The following BCL9L variants were observed in gnomAD, a reference collection of about 807,000 sequenced individuals.
The protein encoded by BCL9L is B-cell CLL/lymphoma 9-like protein.
A neutral mutation model predicts 99.4 loss-of-function variants in BCL9L; 19 were observed. The observed-to-expected ratio is 0.19, with a 90% CI of 0.13 to 0.28. BCL9L has a LOEUF of 0.28. Among genes scored for constraint, BCL9L ranks in the 10% least tolerant of loss-of-function variants. The pLI is 1.00. For synonymous variants in BCL9L, 900 were observed against 854.8 expected (o/e 1.05, Z -0.92); for missense variants, 2,023 against 2,101.6 (o/e 0.96, Z 0.73).
rs770612295 is a variant in BCL9L at position 118,902,561 on chromosome 11, C to T, written c.1182G>A (p.Val394=). 1 of 1,601,448 alleles carries T rather than the reference C, an allele frequency of 6.2e-7. No individual in the cohort carries two copies. The highest frequency in any genetic ancestry group is 1.1e-5 in the South Asian group (1 of 91,094). ...GCTCTTTGGACAAGCCCTCTGAGCCCACCAGGCTGCGCTGCCCATTTCCAG... is the reference window on the plus strand; with the variant it reads ...GCTCTTTGGACAAGCCCTCTGAGCCTACCAGGCTGCGCTGCCCATTTCCAG... ...AAPGNGQRSL[V]GSEGLSKEQL... is the part of the protein sequence containing the mutation. Residue 394 remains valine, a synonymous_variant, in exon 8 of 10, where the codon GTG becomes GTA. Transcript: ENST00000683865. The surrounding 1 kb of genome is among the most constrained non-coding windows in gnomAD (Gnocchi z 7.8).
In BCL9L at chr11:118,908,616, C is replaced by A; in HGVS notation, c.66G>T (p.Pro22=). ...GGCAATGACCGCGGGGGGACAGCGGCGGGCTCCCTGGAGCTTCTCTCCTCC... is the reference window on the plus strand; with the variant it reads ...GGCAATGACCGCGGGGGGACAGCGGAGGGCTCCCTGGAGCTTCTCTCCTCC... The part of the protein sequence containing the change: ...HPRRREAPGS[P]PLSPRGHCPP... Residue 22 remains proline (P), a synonymous_variant, in exon 4 of 10, where the codon CCG becomes CCT. Transcript: ENST00000683865. The A allele has an allele frequency of 6.2e-7, 1 of 1,612,636 alleles. No individual in the cohort carries two copies. The highest frequency in any genetic ancestry group is 8.5e-7 in the Non-Finnish European group (1 of 1,179,736).
At position 118,902,001 on chromosome 11, in the gene BCL9L, C is replaced by G; in HGVS notation, c.1742G>C (p.Arg581Pro). ...QWPPGMGAQL[R>P]GPMDVQDPMQ... ...GGGATCTTGAACATCCATGGGCCCC[C>G]GCAGCTGCGCACCCATTCCAGGTGG... Residue 581 changes from arginine (R) to proline (P), a missense_variant, in exon 8 of 10, where the codon CGG (arginine) becomes CCG (proline). Arg to Pro is a moderately radical substitution (Grantham distance 103, BLOSUM62 -2). Coordinates refer to ENST00000683865, the MANE Select transcript of BCL9L (RefSeq NM_001378213.1). This position sits in a 1 kb window ranked among gnomAD's most constrained non-coding sequence, Gnocchi z 7.8. 6.2e-7 allele frequency: 1 copy of G among 1,613,296 alleles called. No individual in the cohort carries two copies. Among genetic ancestry groups the G allele is most frequent in the Non-Finnish European group, 8.5e-7 (1 of 1,179,870 alleles).
intron 5 of BCL9L, among the ~76,000 whole-genome samples, chr11:118,905,283 C>T (rs896985583): frequency 2.6e-5 from 4 of 151,916 alleles, no homozygotes; most frequent in Non-Finnish European, 4.4e-5. Flanking sequence ...CCGAGGCGGG[C>T]GGATCACTTG....
At position 118,902,148 on chromosome 11, in the gene BCL9L, C is replaced by T. The variant is rs754251116; in HGVS notation, c.1595G>A (p.Arg532Gln). 5.6e-6 allele frequency: 9 copies of T among 1,614,114 alleles called. No individual in the cohort carries two copies. Among genetic ancestry groups the T allele is most frequent in the South Asian group, 5.5e-5 (5 of 91,080 alleles). The change falls in exon 8 of 10, where the codon CGG (arginine) becomes CAG (glutamine). Residue 532 changes from arginine (R) to glutamine (Q), a missense_variant. Transcript: ENST00000683865. The surrounding 1 kb of genome is among the most constrained non-coding windows in gnomAD (Gnocchi z 7.8). Reference sequence around the variant, plus strand: ...CAGCCCAATCTGTTCCTCTTTCCGCCGTTTCTCTTCGTAGTACTCCTCCTG... The same window carrying T: ...CAGCCCAATCTGTTCCTCTTTCCGCTGTTTCTCTTCGTAGTACTCCTCCTG... ...KLQEEYYEEK[R>Q]RKEEQIGLHG...
chr11:118,906,222 G>A (rs1359324172), intron 5 of BCL9L, among the ~76,000 whole-genome samples: 2 of 152,190 alleles, frequency 1.3e-5, no homozygotes, highest in East Asian at 1.9e-4. Context: ...AACTCACAAA[G>A]TTTCTACAAT....
Position 118,899,914 on chromosome 11 carries a change from C to A in BCL9L, c.3406+3G>T. The A allele has an allele frequency of 1.2e-6, 2 of 1,611,460 alleles. No homozygotes were observed. The highest frequency in any genetic ancestry group is 1.1e-5 in the South Asian group (1 of 90,924). ...TCCCTGGGGCCCTGGCCTGTCCTCG[C>A]ACCTGGCCCGGAGCCCTGCGGTGGT... On this transcript the variant is annotated splice_donor_region_variant and intron_variant, in intron 9 of 9. Coordinates refer to ENST00000683865, the MANE Select transcript of BCL9L (RefSeq NM_001378213.1).
At position 118,903,212 on chromosome 11, in the gene BCL9L, T is replaced by G; in HGVS notation, c.749+24A>C. On this transcript the variant is annotated intron_variant, in intron 6 of 9. Coordinates refer to ENST00000683865, the MANE Select transcript of BCL9L (RefSeq NM_001378213.1). The surrounding 1 kb of genome is among the most constrained non-coding windows in gnomAD (Gnocchi z 5.6). Reference sequence around the variant, plus strand: ...GTGCTGGGCAGAGAGAGAGAGAGACTTGGCCTGCCCACCAGGCACTTACGT... The same window carrying G: ...GTGCTGGGCAGAGAGAGAGAGAGACGTGGCCTGCCCACCAGGCACTTACGT... The G allele has an allele frequency of 6.4e-7, 1 of 1,571,092 alleles. No individual in the cohort carries two copies. Among genetic ancestry groups the G allele is most frequent in the South Asian group, 1.2e-5 (1 of 86,630 alleles).
At position 118,902,391 on chromosome 11, in the gene BCL9L, G is replaced by T. The variant is rs769563899; in HGVS notation, c.1352C>A (p.Pro451His). 1.6e-5 allele frequency: 25 copies of T among 1,546,794 alleles called. No individual in the cohort carries two copies. The highest frequency in any genetic ancestry group is 4.1e-5 in the African/African-American group (3 of 72,560). Residue 451 changes from proline to histidine, a missense_variant, in exon 8 of 10, where the codon CCC becomes CAC. Around this residue, in one of 3 missense-constraint regions of BCL9L, gnomAD observed 1,116 missense variants for 1,194.6 expected, o/e 0.93. Coordinates refer to ENST00000683865, the MANE Select transcript of BCL9L (RefSeq NM_001378213.1). This position sits in a 1 kb window ranked among gnomAD's most constrained non-coding sequence, Gnocchi z 7.8. ...GGPPAQAPPP[P>H]QQPPTAPPSG... is the part of the protein sequence containing the mutation. ...GGGAGGGGCCGTGGGTGGCTGCTGG[G>T]GGGGAGGGGGGGCTTGTGCTGGTGG...
rs1420245338 is a variant in BCL9L, at chr11:118,900,252, G to A, written c.3125-54C>T. On this transcript the variant is annotated intron_variant, in intron 8 of 9. Coordinates refer to ENST00000683865, the MANE Select transcript of BCL9L (RefSeq NM_001378213.1). The surrounding 1 kb of genome is among the most constrained non-coding windows in gnomAD (Gnocchi z 5.3). ...GGGGTGACTGGGGAGGGGCAGATGA[G>A]TTTGGCTGTGGATATGGGGAGGTTT... 16 of 1,500,556 alleles carry A rather than the reference G, an allele frequency of 1.1e-5. No individual in the cohort carries two copies. The highest frequency in any genetic ancestry group is 1.3e-5 in the Non-Finnish European group (15 of 1,120,518). 93.0% of individuals were successfully genotyped at this position (1,500,556 alleles called of 1,614,324 possible). A position where few individuals can be genotyped will look rare whatever the true frequency, so the allele number is the denominator to read the frequency against.
chr11:118,905,819 AAAATAAAT>A lies in BCL9L; in HGVS notation c.532+1656_532+1663del, dbSNP rs149714418. ...GCAACAAGAGTGAAACTCCGATTCA[AAAATAAAT>A]AAATAAATAAATAAATAAAAGAATC... On this transcript the variant is annotated intron_variant, in intron 5 of 9. Transcript: ENST00000683865. Among the ~76,000 whole-genome samples the A allele has an allele frequency of 3.0e-3, 462 of 152,196 alleles. 3 individuals are homozygous for A. The highest frequency in any genetic ancestry group is 0.01 in the African/African-American group (416 of 41,484).
chr11:118,898,666 G>A lies in BCL9L; in HGVS notation c.4249C>T (p.His1417Tyr). The change falls in exon 10 of 10, where the codon CAC becomes TAC. Residue 1417 changes from histidine (H) to tyrosine (Y), a missense_variant. By Grantham distance (83) the His-to-Tyr change is moderately conservative. Transcript: ENST00000683865. ...PQQGMVPHGL[H>Y]QGVMSPPQGL... ...TGTGGAGGGGACATGACCCCCTGGT[G>A]CAGGCCATGGGGCACCATCCCCTGC... The A allele has an allele frequency of 1.9e-6, 3 of 1,611,364 alleles. No homozygotes were observed. Among genetic ancestry groups the A allele is most frequent in the Non-Finnish European group, 2.5e-6 (3 of 1,178,908 alleles).
At chr11:118,907,424 C>T in intron 5 of BCL9L, 59 bp downstream of exon 5, 1 of 1,612,882 alleles carries the variant, frequency 6.2e-7, no homozygotes, top group Non-Finnish European at 8.5e-7. Flanking sequence ...TCAGTCCTCT[C>T]AAGTCCATCC....
chr11:118,911,196 C>T (rs1940782518), intron 2 of BCL9L: 1 of 455,348 alleles, frequency 2.2e-6, no homozygotes, highest in South Asian at 1.6e-5. Flanking sequence ...GCCTCCCCTA[C>T]CCGCCCTCCA....
In BCL9L at chr11:118,903,132, TCACC is replaced by T. The variant is rs1247482943; in HGVS notation, c.750-62_750-59del. The T allele has an allele frequency of 2.0e-6, 2 of 998,368 alleles. No individual in the cohort carries two copies. The highest frequency in any genetic ancestry group is 2.8e-6 in the Non-Finnish European group (2 of 710,344). 61.8% of individuals were successfully genotyped at this position (998,368 alleles called of 1,614,324 possible). On this transcript the variant is annotated intron_variant, in intron 6 of 9. Transcript: ENST00000683865. This position sits in a 1 kb window ranked among gnomAD's most constrained non-coding sequence, Gnocchi z 5.6. ...AGGTGAGCAGGAGGGAGCCCCACCC[TCACC>T]CACCCCACCCTGCCCCTGCACGGGG...
At chr11:118,915,321 A>T (rs768477391) in intron 2 of BCL9L, among the ~76,000 whole-genome samples, 7 of 152,190 alleles carry the variant, frequency 4.6e-5, no homozygotes, top group Admixed American at 1.3e-4. Context: ...GCCCTTGACA[A>T]ACCACTTCTG....
rs1478290776 is a variant in BCL9L at position 118,898,883 on chromosome 11, C to T, written c.4032G>A (p.Lys1344=). ...GAGCCTTGGGGGGCTGGTTCTCGCT[C>T]TTGGGGAAGTACTGGAGGGTGCTGC... ...KPSSTLQYFP[K]SENQPPKAQP... The change falls in exon 10 of 10, where the codon AAG becomes AAA. Residue 1344 remains lysine (K), a synonymous_variant. Coordinates refer to ENST00000683865, the MANE Select transcript of BCL9L (RefSeq NM_001378213.1). 1.2e-6 allele frequency: 2 copies of T among 1,614,030 alleles called. No individual in the cohort carries two copies. The highest frequency in any genetic ancestry group is 1.7e-6 in the Non-Finnish European group (2 of 1,179,948).
At chr11:118,909,149 T>C (rs1002664513) in intron 3 of BCL9L, among the ~76,000 whole-genome samples, 4 of 151,918 alleles carry the variant, frequency 2.6e-5, no homozygotes, top group Admixed American at 6.5e-5. Flanking sequence ...CCAGGGACAG[T>C]GGGAAAACGC....
chr11:118,900,091 T>A lies in BCL9L; in HGVS notation c.3232A>T (p.Thr1078Ser). 6.2e-7 allele frequency: 1 copy of A among 1,613,064 alleles called. No individual in the cohort carries two copies. The highest frequency in any genetic ancestry group is 8.5e-7 in the Non-Finnish European group (1 of 1,179,710). ...SLPFTSSPDP[T>S]PSQNPLSLMM... ...AGTGACAGGGGGTTCTGGGAAGGTG[T>A]GGGGTCTGGGGAGGAAGTGAATGGT... Residue 1078 changes from threonine to serine, a missense_variant, in exon 9 of 10, where the codon ACA becomes TCA. Physicochemically the swap from Thr to Ser is moderately conservative, Grantham distance 58. Around this residue, in one of 3 missense-constraint regions of BCL9L, gnomAD observed 902 missense variants for 888.2 expected, o/e 1.02. Transcript: ENST00000683865. The surrounding 1 kb of genome is among the most constrained non-coding windows in gnomAD (Gnocchi z 5.3).
rs1178012359 is a variant in BCL9L at position 118,925,796 on chromosome 11, G to A, written c.-689C>T. Among the ~76,000 whole-genome samples the A allele has an allele frequency of 6.7e-6, 1 of 149,982 alleles. No homozygotes were observed. Among genetic ancestry groups the A allele is most frequent in the East Asian group, 2.0e-4 (1 of 5,092 alleles). ...GGCCGGCTGGCTCCGGGCGGCGGCG[G>A]TGGTGCAGCGGCCCCGGGTCCGGGG... On this transcript the variant is annotated 5_prime_UTR_variant, in exon 1 of 10. Transcript: ENST00000683865. The surrounding 1 kb of genome is among the most constrained non-coding windows in gnomAD (Gnocchi z 6.4).
Sources: gnomAD v4.1 joint callset for allele counts (sites outside exome capture counted in the v4.1 genomes callset) on GRCh38, gnomAD v4.1.1 for gene constraint, gnomAD v4.1.1 regional missense constraint, Gnocchi (gnomAD v3.1) non-coding constraint, MANE v1.5 for transcripts, NCBI Gene and HGNC (gene_info 2026-07-23, HGNC 2026-07-21) for gene names.